Variants in CCM2L observed in about 807,000 individuals in gnomAD.
CCM2L encodes the protein cerebral cavernous malformations 2 protein-like.
A neutral mutation model predicts 54.1 loss-of-function variants in CCM2L; 36 were observed. That is an observed-to-expected ratio of 0.67 (90% CI 0.51 to 0.88). The LOEUF is 0.88. CCM2L is among the 40% of genes least tolerant of loss of function. The probability of loss-of-function intolerance (pLI) is 0.00; values close to 1 mark genes in which losing one functional copy is unlikely to be tolerated. For synonymous variants in CCM2L, 351 were observed against 359.3 expected (o/e 0.98, Z 0.26); for missense variants, 700 against 812.1 (o/e 0.86, Z 1.68).
chr20:32,015,690 G>A (rs62207262), intron 2 of CCM2L, among the ~76,000 whole-genome samples: 1 of 152,126 alleles, frequency 6.6e-6, no homozygotes, highest in Non-Finnish European at 1.5e-5. Flanking sequence ...GTTCATGCAT[G>A]AGAATCCTCC....
In CCM2L at chr20:32,017,773, C is replaced by T. The variant is rs747857392; in HGVS notation, c.199-27C>T. On this transcript the variant is annotated intron_variant, in intron 2 of 9. Transcript: ENST00000452892. Reference sequence around the variant, plus strand: ...AGGTTTCAGGGTGACATCTCTGTGTCCTTCTCTCACCCCGATTTCCATCCA... The same window carrying T: ...AGGTTTCAGGGTGACATCTCTGTGTTCTTCTCTCACCCCGATTTCCATCCA... 1.1e-5 allele frequency: 17 copies of T among 1,596,656 alleles called. No homozygotes were observed. In the South Asian group the frequency reaches 1.9e-4, roughly 18 times the overall value.
chr20:32,017,160 T>G (rs894380566), intron 2 of CCM2L, among the ~76,000 whole-genome samples: 27 of 152,156 alleles, frequency 1.8e-4, no homozygotes, highest in African/African-American at 6.3e-4. Flanking sequence ...AAGTTAACTA[T>G]TATATTGAGT....
Position 32,019,554 on chromosome 20 carries a change from C to A in CCM2L, c.933+145C>A, listed in dbSNP as rs1028840341. The stretch of plus-strand genomic sequence containing the variant: ...CCTGCCCCACCTAATGGCTCCTAAA[C>A]TCCGGACCTGGACACCTCCAGGGCA... On this transcript the variant is annotated intron_variant, in intron 5 of 9. Coordinates refer to ENST00000452892, the MANE Select transcript of CCM2L (RefSeq NM_001365692.1). 2.8e-4 allele frequency: 150 copies of A among 531,142 alleles called. 1 individual carries two copies. In the East Asian group the frequency reaches 5.2e-3, roughly 18 times the overall value. The allele number at this position is 531,142 out of a possible 1,614,324, so 32.9% of individuals were successfully genotyped here.
rs934993932 is a variant in CCM2L, at chr20:32,023,481, G to C, written c.1069+686G>C. On this transcript the variant is annotated intron_variant, in intron 6 of 9. Coordinates refer to ENST00000452892, the MANE Select transcript of CCM2L (RefSeq NM_001365692.1). ...AACCAAGATTTCCAGATGGGTGCTTGGATGCACTCAAGGACTAGAAGGAGA... is the reference window on the plus strand; with the variant it reads ...AACCAAGATTTCCAGATGGGTGCTTCGATGCACTCAAGGACTAGAAGGAGA... 2.9e-4 allele frequency among the ~76,000 whole-genome samples: 44 copies of C among 152,348 alleles called. 1 individual carries two copies. The highest frequency in any genetic ancestry group is 6.2e-4 in the Non-Finnish European group (42 of 68,038).
At chr20:32,028,886 G>A in intron 7 of CCM2L, 109 bp from the exon 8 acceptor site, 2 of 1,412,528 alleles carry the variant, frequency 1.4e-6, no homozygotes, top group Non-Finnish European at 1.9e-6. Flanking sequence ...GGGTATGCGA[G>A]GCCTTGGAGG....
chr20:32,020,671 A>G (rs1441851802), intron 5 of CCM2L, among the ~76,000 whole-genome samples: 1 of 152,108 alleles, frequency 6.6e-6, no homozygotes, highest in South Asian at 2.1e-4. Context: ...CACACACCCC[A>G]TATCCACTCT....
Position 32,031,049 on chromosome 20 carries a change from T to C in CCM2L, c.1451T>C (p.Phe484Ser). The change falls in exon 10 of 10, where the codon TTC becomes TCC. Residue 484 changes from phenylalanine to serine, a missense_variant. Physicochemically the swap from Phe to Ser is radical, Grantham distance 155. Coordinates refer to ENST00000452892, the MANE Select transcript of CCM2L (RefSeq NM_001365692.1). ...PDQDIGYFEG[F>S]LEGVGIREGG... ...CAGGACATCGGCTACTTCGAGGGCT[T>C]CCTGGAGGGCGTGGGCATCCGCGAG... is the stretch of plus-strand genomic sequence containing the variant. 7.7e-7 allele frequency: 1 copy of C among 1,304,222 alleles called. No individual in the cohort carries two copies. Among genetic ancestry groups the C allele is most frequent in the Non-Finnish European group, 1.0e-6 (1 of 988,944 alleles). 80.8% of individuals were successfully genotyped at this position (1,304,222 alleles called of 1,614,324 possible). A position where few individuals can be genotyped will look rare whatever the true frequency, so the allele number is the denominator to read the frequency against.
chr20:32,013,955 A>G (rs1188278630), intron 1 of CCM2L, among the ~76,000 whole-genome samples: 1 of 152,166 alleles, frequency 6.6e-6, no homozygotes, highest in Non-Finnish European at 1.5e-5. Context: ...CTGCTGGTCC[A>G]GGAATCTCAT....
At position 32,032,010 on chromosome 20, in the gene CCM2L, A is replaced by T. The variant is rs951871879; in HGVS notation, c.*696A>T. ...TTCAGCTCCAGGATCTGGAGCCTCT[A>T]TCTGGTTAGTGTCGTAACCTCTGTG... On this transcript the variant is annotated 3_prime_UTR_variant, in exon 10 of 10. Coordinates refer to ENST00000452892, the MANE Select transcript of CCM2L (RefSeq NM_001365692.1). 3 of 151,906 alleles carry T rather than the reference A, an allele frequency of 2.0e-5. No homozygotes were observed. The highest frequency in any genetic ancestry group is 4.4e-5 in the Non-Finnish European group (3 of 67,996). 9.4% of individuals were successfully genotyped at this position (151,906 alleles called of 1,614,324 possible).
chr20:32,026,652 G>A (rs958775315), intron 7 of CCM2L, among the ~76,000 whole-genome samples: 4 of 152,232 alleles, frequency 2.6e-5, no homozygotes, highest in East Asian at 3.9e-4. Context: ...GAGGCAGGTG[G>A]ATCGCTTGAG....
Position 32,019,539 on chromosome 20 carries a change from C to A in CCM2L, c.933+130C>A, listed in dbSNP as rs558693005. ...TGCCTTCTCCCTGCACCTGCCCCAC[C>A]TAATGGCTCCTAAACTCCGGACCTG... On this transcript the variant is annotated intron_variant, in intron 5 of 9. Coordinates refer to ENST00000452892, the MANE Select transcript of CCM2L (RefSeq NM_001365692.1). 16 of 586,286 alleles carry A rather than the reference C, an allele frequency of 2.7e-5. No individual in the cohort carries two copies. In the East Asian group the frequency reaches 3.8e-4, roughly 14 times the overall value. 36.3% of individuals were successfully genotyped at this position (586,286 alleles called of 1,614,324 possible).
chr20:32,022,816 C>A (rs374482831), intron 6 of CCM2L, 21 bp downstream of exon 6: 6 of 1,610,888 alleles, frequency 3.7e-6, no homozygotes, highest in South Asian at 1.1e-5. Context: ...GAACTCCTGG[C>A]CTCCCCTCCT....
In CCM2L at chr20:32,031,320, G is replaced by GC. The variant is rs1568930423; in HGVS notation, c.*10dup. The GC allele has an allele frequency of 1.6e-6, 2 of 1,263,198 alleles. No homozygotes were observed. The highest frequency in any genetic ancestry group is 1.6e-5 in the African/African-American group (1 of 64,320). 78.2% of individuals were successfully genotyped at this position (1,263,198 alleles called of 1,614,324 possible). On this transcript the variant is annotated 3_prime_UTR_variant, in exon 10 of 10. Transcript: ENST00000452892. The stretch of plus-strand genomic sequence containing the variant: ...CAGAAGACAACTACCTGTAGCCACC[G>GC]CCCCTGCGGACGGCGTGGCTCAGCA...
chr20:32,026,454 C>T (rs59822749), intron 7 of CCM2L, among the ~76,000 whole-genome samples: 1 of 152,272 alleles, frequency 6.6e-6, no homozygotes, highest in Non-Finnish European at 1.5e-5. Context: ...CAGTAGCATG[C>T]TAAGGGGCCT....
chr20:32,026,458 G>T (rs943722643), intron 7 of CCM2L, among the ~76,000 whole-genome samples: 2 of 152,108 alleles, frequency 1.3e-5, no homozygotes, highest in African/African-American at 4.8e-5. Context: ...AGCATGCTAA[G>T]GGGCCTCTTT....
chr20:32,018,185 CGGGGG>C, intron 4 of CCM2L, 23 bp downstream of exon 4: 2 of 352,882 alleles, frequency 5.7e-6, no homozygotes, highest in Non-Finnish European at 6.5e-6. Flanking sequence ...GGGGCGGGGG[CGGGGG>C]AGGGGCGGGG....
chr20:32,026,016 G>A (rs2064857300), intron 7 of CCM2L, 97 bp downstream of exon 7: 2 of 906,722 alleles, frequency 2.2e-6, no homozygotes, highest in East Asian at 1.2e-4. Context: ...CAACCTTGAT[G>A]TGTGCTGAGA....
chr20:32,015,553 G>A (rs910076236), intron 2 of CCM2L, among the ~76,000 whole-genome samples: 1 of 152,194 alleles, frequency 6.6e-6, no homozygotes, highest in African/African-American at 2.4e-5. Context: ...AACAAGGATG[G>A]CACCATTTCC....
chr20:32,015,141 G>C (rs977790684), intron 2 of CCM2L, 70 bp downstream of exon 2: 2 of 1,388,794 alleles, frequency 1.4e-6, no homozygotes, highest in Non-Finnish European at 1.9e-6. Context: ...TTGACACCAA[G>C]TTCTGATCAG....
Sources: gnomAD v4.1 joint callset for allele counts (sites outside exome capture counted in the v4.1 genomes callset) on GRCh38, gnomAD v4.1.1 for gene constraint, MANE v1.5 for transcripts, NCBI Gene and HGNC (gene_info 2026-07-23, HGNC 2026-07-21) for gene names.